Variants in DLC1 observed in about 807,000 individuals in gnomAD.
DLC1 encodes the protein rho GTPase-activating protein 7.
A neutral mutation model predicts 140.3 loss-of-function variants in DLC1; 54 were observed. The observed-to-expected ratio is 0.38, with a 90% CI of 0.31 to 0.48. The LOEUF is 0.48. Among genes scored for constraint, DLC1 ranks in the 20% least tolerant of loss-of-function variants. The pLI, the probability that DLC1 is intolerant of heterozygous loss-of-function variation, is 0.96. For synonymous variants in DLC1, 986 were observed against 728.1 expected (o/e 1.35, Z -5.70); for missense variants, 2,536 against 1,907.0 (o/e 1.33, Z -6.14).
chr8:13,226,921 A>G (rs189954642), intron 5 of DLC1, among the ~76,000 whole-genome samples: 62 of 152,238 alleles, frequency 4.1e-4, no homozygotes, highest in African/African-American at 1.4e-3. Flanking sequence ...GGTTTTGGGT[A>G]TAGACTATGC....
In DLC1 at chr8:13,295,942, GTTTTTT is replaced by G. The variant is rs71207138; in HGVS notation, c.1348+9321_1348+9326del. 9.8e-3 allele frequency among the ~76,000 whole-genome samples: 714 copies of G among 72,836 alleles called. 5 individuals are homozygous for G. The highest frequency in any genetic ancestry group is 0.038 in the African/African-American group (676 of 17,700). 47.8% of individuals were successfully genotyped at this position (72,836 alleles called of 152,430 possible). On this transcript the variant is annotated intron_variant, in intron 5 of 17. Coordinates refer to ENST00000276297, the MANE Select transcript of DLC1 (RefSeq NM_182643.3). ...AAGAGATGATCAGATAAGATTCTTTGTTTTTTTTTTTTTTTTTTTTTTTTTTTGGAG... is the reference window on the plus strand; with the variant it reads ...AAGAGATGATCAGATAAGATTCTTTGTTTTTTTTTTTTTTTTTTTTTGGAG...
chr8:13,600,731 T>C (rs183187885), intron 1 of DLC1, among the ~76,000 whole-genome samples: 3 of 152,002 alleles, frequency 2.0e-5, no homozygotes. Context: ...TCTTTTTTTT[T>C]AGCATTAAGC....
intron 5 of DLC1, among the ~76,000 whole-genome samples, chr8:13,184,060 A>C (rs1826200418): frequency 6.6e-6 from 1 of 152,210 alleles, no homozygotes; most frequent in Non-Finnish European, 1.5e-5. Context: ...GTATGTGTCC[A>C]GGAATTTATC....
At chr8:13,564,455 A>T (rs946433908) in intron 1 of DLC1, among the ~76,000 whole-genome samples, 1 of 152,138 alleles carries the variant, frequency 6.6e-6, no homozygotes, top group South Asian at 2.1e-4. Flanking sequence ...TGAGAAGTTG[A>T]TGTAAAGGGT....
intron 1 of DLC1, among the ~76,000 whole-genome samples, chr8:13,549,965 G>C (rs1803789042): frequency 6.6e-6 from 1 of 152,118 alleles, no homozygotes; most frequent in African/African-American, 2.4e-5. Flanking sequence ...TATTTGTTGT[G>C]CTTATATGTG....
chr8:13,354,002 A>C (rs1834805096), intron 4 of DLC1, among the ~76,000 whole-genome samples: 1 of 151,060 alleles, frequency 6.6e-6, no homozygotes, highest in Non-Finnish European at 1.5e-5. Flanking sequence ...CTTTCTTCAC[A>C]TTTCCACTCC....
rs746148634 is a variant in DLC1, at chr8:13,161,342, G to A, written c.1349-45685C>T. ...GTCATTTGTGGGTTTTTTTTGTTTT[G>A]TTTTGTTTTGTTTGAGACAGAATTT... On this transcript the variant is annotated intron_variant, in intron 5 of 17. Coordinates refer to ENST00000276297, the MANE Select transcript of DLC1 (RefSeq NM_182643.3). 1.4e-4 allele frequency among the ~76,000 whole-genome samples: 22 copies of A among 151,844 alleles called. 1 individual carries two copies. Among genetic ancestry groups the A allele is most frequent in the Non-Finnish European group, 2.4e-4 (16 of 67,948 alleles).
chr8:13,298,162 A>C (rs1832039718), intron 5 of DLC1, among the ~76,000 whole-genome samples: 1 of 152,200 alleles, frequency 6.6e-6, no homozygotes, highest in African/African-American at 2.4e-5. Context: ...GGCTATAATT[A>C]TTCATTATCT....
intron 5 of DLC1, among the ~76,000 whole-genome samples, chr8:13,159,862 A>G (rs1371054910): frequency 2.6e-5 from 4 of 151,916 alleles, no homozygotes; most frequent in African/African-American, 7.3e-5. Context: ...GGTTTGAAAA[A>G]AAAAAAAAAA....
intron 4 of DLC1, among the ~76,000 whole-genome samples, chr8:13,378,102 T>A (rs983279669): frequency 6.9e-6 from 1 of 144,852 alleles, no homozygotes; most frequent in Non-Finnish European, 1.5e-5. Context: ...TATTATACTT[T>A]AAGTTTTAGG....
chr8:13,118,967 G>A (rs1028453380), intron 5 of DLC1, among the ~76,000 whole-genome samples: 2 of 152,114 alleles, frequency 1.3e-5, no homozygotes, highest in South Asian at 2.1e-4. Flanking sequence ...GGTGACTCAC[G>A]TTTGTAGTCT....
At chr8:13,398,685 G>T (rs560799646) in intron 3 of DLC1, among the ~76,000 whole-genome samples, 1 of 151,788 alleles carries the variant, frequency 6.6e-6, no homozygotes, top group South Asian at 2.1e-4. Context: ...AGAGAAAAAG[G>T]GTGAGGACTA....
chr8:13,191,135 G>A (rs1192106782), intron 5 of DLC1, among the ~76,000 whole-genome samples: 8 of 152,198 alleles, frequency 5.3e-5, no homozygotes, highest in Non-Finnish European at 8.8e-5. Context: ...CAAAGAAAGT[G>A]GAGTTCCTGA....
chr8:13,263,768 A>G (rs1281016934), intron 5 of DLC1, among the ~76,000 whole-genome samples: 2 of 151,692 alleles, frequency 1.3e-5, no homozygotes, highest in East Asian at 3.9e-4. Context: ...TATTTTTTCT[A>G]TAATGATTAG....
chr8:13,383,993 G>C (rs1416706131), intron 4 of DLC1, among the ~76,000 whole-genome samples: 2 of 152,064 alleles, frequency 1.3e-5, no homozygotes, highest in Non-Finnish European at 2.9e-5. Flanking sequence ...TAATTTAATG[G>C]CTTAAAACAG....
At chr8:13,513,111 C>T (rs1033226979) in intron 1 of DLC1, among the ~76,000 whole-genome samples, 32 of 151,762 alleles carry the variant, frequency 2.1e-4, no homozygotes, top group Admixed American at 3.3e-4. Context: ...AATTATGAAT[C>T]AGGGCACTGT....
chr8:13,565,587 G>C (rs1371897706), intron 1 of DLC1, among the ~76,000 whole-genome samples: 1 of 152,122 alleles, frequency 6.6e-6, no homozygotes, highest in Non-Finnish European at 1.5e-5. Context: ...TCATATACTT[G>C]AGAGATGCTT....
At chr8:13,580,121 A>ATTTTTTT (rs71207167) in intron 1 of DLC1, among the ~76,000 whole-genome samples, 51 of 150,556 alleles carry the variant, frequency 3.4e-4, no homozygotes, top group East Asian at 1.2e-3. Flanking sequence ...AGTTGGTTAC[A>ATTTTTTT]TTTATTTTTT....
intron 4 of DLC1, among the ~76,000 whole-genome samples, chr8:13,373,658 A>G (rs980165824): frequency 4.6e-5 from 7 of 152,232 alleles, no homozygotes; most frequent in African/African-American, 1.7e-4. Flanking sequence ...TTCAGAAAGT[A>G]CATCTACTAT....
Sources: gnomAD v4.1 joint callset for allele counts (sites outside exome capture counted in the v4.1 genomes callset) on GRCh38, gnomAD v4.1.1 for gene constraint, MANE v1.5 for transcripts, NCBI Gene and HGNC (gene_info 2026-07-23, HGNC 2026-07-21) for gene names.